Variants in WDR27 observed in about 807,000 individuals in gnomAD.
WDR27 encodes the protein WD repeat-containing protein 27.
WDR27 carries 100 observed loss-of-function variants against 114.4 expected under a neutral mutation model. That is an observed-to-expected ratio of 0.87 (90% CI 0.74 to 1.03). The LOEUF (loss-of-function observed/expected upper bound fraction) is 1.03, where lower values mean the gene tolerates loss of function less well. Among genes scored for constraint, WDR27 ranks in the 50% least tolerant of loss-of-function variants. The probability of loss-of-function intolerance (pLI) is 0.00; values close to 1 mark genes in which losing one functional copy is unlikely to be tolerated. For synonymous variants in WDR27, 449 were observed against 423.1 expected, an observed-to-expected ratio of 1.06 and a Z score of -0.75; for missense variants, 1,129 against 1,092.9, an observed-to-expected ratio of 1.03 and a Z score of -0.47.
At position 169,552,972 on chromosome 6, in the gene WDR27, C is replaced by T. The variant is rs185071925; in HGVS notation, c.2645+19447G>A. ...GTGTGCTGTTTGGGGAGGGCCTGCC[C>T]GGTGTGTGTGTGTGTGTGTGTGTGT... is the stretch of plus-strand genomic sequence containing the variant. On this transcript the variant is annotated intron_variant, in intron 25 of 25. Transcript: ENST00000448612. Among the ~76,000 whole-genome samples the T allele has an allele frequency of 2.3e-3, 170 of 75,194 alleles. 3 individuals are homozygous for T. In the East Asian group the frequency reaches 0.053, roughly 23 times the overall value. The allele number at this position is 75,194 out of a possible 152,430, so 49.3% of individuals were successfully genotyped here. A position where few individuals can be genotyped will look rare whatever the true frequency, so the allele number is the denominator to read the frequency against.
At position 169,654,052 on chromosome 6, in the gene WDR27, C is replaced by T. The variant is rs13213245; in HGVS notation, c.1403-2044G>A. On this transcript the variant is annotated intron_variant, in intron 13 of 25. Transcript: ENST00000448612. ...AGAACACAGTGCACTTCATTCAGTT[C>T]CAAAAAACAAATACAAAAACAAACA... Among the ~76,000 whole-genome samples the T allele has an allele frequency of 7.4e-3, 1,130 of 152,160 alleles. 4 individuals are homozygous for T. Among genetic ancestry groups the T allele is most frequent in the Non-Finnish European group, 0.012 (788 of 68,016 alleles).
chr6:169,602,545 C>T (rs990881937), intron 22 of WDR27, among the ~76,000 whole-genome samples: 2 of 152,010 alleles, frequency 1.3e-5, no homozygotes, highest in Non-Finnish European at 2.9e-5. Context: ...GATGACAAAA[C>T]TAATAGTAAA....
the WDR27 span, among the ~76,000 whole-genome samples, chr6:169,445,930 C>A: frequency 1.3e-5 from 2 of 152,218 alleles, no homozygotes; most frequent in East Asian, 1.9e-4. Context: ...CCCTGCAGGC[C>A]CCCCTCCCTC....
chr6:169,431,605 C>T, the WDR27 span, among the ~76,000 whole-genome samples: 1 of 152,158 alleles, frequency 6.6e-6, no homozygotes, highest in Non-Finnish European at 1.5e-5. Flanking sequence ...GCTTGCCATC[C>T]TTCCTGATGA....
chr6:169,579,684 C>G (rs1045536398), intron 24 of WDR27, among the ~76,000 whole-genome samples: 2 of 152,186 alleles, frequency 1.3e-5, no homozygotes, highest in Non-Finnish European at 2.9e-5. Context: ...AACTCCCACC[C>G]CTTTTCCAGA....
At chr6:169,540,413 G>T (rs1416000142) in intron 25 of WDR27, among the ~76,000 whole-genome samples, 4 of 148,766 alleles carry the variant, frequency 2.7e-5, no homozygotes, top group Non-Finnish European at 4.4e-5. Flanking sequence ...TCTCAGTATT[G>T]CTCTTATTGA....
chr6:169,551,556 G>A (rs1456314938), intron 25 of WDR27, among the ~76,000 whole-genome samples: 1 of 151,928 alleles, frequency 6.6e-6, no homozygotes, highest in African/African-American at 2.4e-5. Flanking sequence ...CCAACATGGT[G>A]AAACCCTGTC....
the WDR27 span, among the ~76,000 whole-genome samples, chr6:169,436,248 A>G: frequency 6.6e-6 from 1 of 152,208 alleles, no homozygotes. Context: ...TTATTCATAA[A>G]GCAAAAATAG....
chr6:169,586,668 G>T (rs1336309113), intron 23 of WDR27, among the ~76,000 whole-genome samples: 1 of 151,936 alleles, frequency 6.6e-6, no homozygotes, highest in Non-Finnish European at 1.5e-5. Context: ...TGCCAACATG[G>T]TGAAACCCCG....
Position 169,670,663 on chromosome 6 carries a change from G to T in WDR27, c.362C>A (p.Ser121Ter), listed in dbSNP as rs201671423. Residue 121 changes from serine to a stop codon, truncating the protein, a stop_gained, in exon 4 of 26, where the codon TCG becomes TAG. Coordinates refer to ENST00000448612, the MANE Select transcript of WDR27 (RefSeq NM_182552.5). LOFTEE classifies it high-confidence loss of function. ...GLVPRGTVMG[S>*]LLGKVLCLQL... ...TAAACACAGCACCTTTCCCAAAAGC[G>T]AGCCCATGACAGTCCCTCGAGGGAC... is the stretch of plus-strand genomic sequence containing the variant. 136 of 1,613,816 alleles carry T rather than the reference G, an allele frequency of 8.4e-5. 2 individuals carry two copies. The highest frequency in any genetic ancestry group is 4.9e-4 in the Middle Eastern group (3 of 6,084).
At chr6:169,483,063 A>T (rs1186611860) in intron 25 of WDR27, among the ~76,000 whole-genome samples, 1 of 152,200 alleles carries the variant, frequency 6.6e-6, no homozygotes, top group Admixed American at 6.5e-5. Flanking sequence ...ATAGCACTAA[A>T]CACCCACATC....
At chr6:169,620,847 TCTGCTCCTCCAGACATAGACATAGAC>T (rs1475494209) in intron 21 of WDR27, among the ~76,000 whole-genome samples, 1 of 152,152 alleles carries the variant, frequency 6.6e-6, no homozygotes. Flanking sequence ...CCTCCTGTAC[TCTGCTCCTCCAGACATAGACATAGAC>T]CTGCTCCTCC....
At chr6:169,501,439 A>G (rs960953146) in intron 25 of WDR27, among the ~76,000 whole-genome samples, 3 of 152,258 alleles carry the variant, frequency 2.0e-5, no homozygotes, top group African/African-American at 4.8e-5. Flanking sequence ...CCTCACAGAG[A>G]GAACTAGGCT....
At chr6:169,594,352 C>A (rs1806362715) in intron 23 of WDR27, among the ~76,000 whole-genome samples, 1 of 152,158 alleles carries the variant, frequency 6.6e-6, no homozygotes, top group Non-Finnish European at 1.5e-5. Flanking sequence ...GGTCATTGTT[C>A]ATAGATGTTT....
At chr6:169,665,366 G>GT in intron 7 of WDR27, 120 bp downstream of exon 7, 4 of 1,453,614 alleles carry the variant, frequency 2.8e-6, no homozygotes, top group Non-Finnish European at 3.6e-6. Context: ...CAGCACTGAG[G>GT]TGGACAGGTT....
chr6:169,560,849 A>G (rs1799582540), intron 25 of WDR27, among the ~76,000 whole-genome samples: 1 of 152,172 alleles, frequency 6.6e-6, no homozygotes, highest in Non-Finnish European at 1.5e-5. Context: ...TGGAGGCGAG[A>G]CCTACTTAAG....
At chr6:169,625,527 G>T (rs1288376528) in intron 21 of WDR27, among the ~76,000 whole-genome samples, 1 of 152,230 alleles carries the variant, frequency 6.6e-6, no homozygotes, top group Non-Finnish European at 1.5e-5. Flanking sequence ...CGGACGCTCA[G>T]CTCCATCTTC....
intron 25 of WDR27, among the ~76,000 whole-genome samples, chr6:169,537,797 G>C (rs528037342): frequency 6.6e-6 from 1 of 152,188 alleles, no homozygotes; most frequent in South Asian, 2.1e-4. Context: ...AAGCAGCCCA[G>C]CTGTTAAGAG....
At chr6:169,667,412 G>A (rs1828155540) in intron 5 of WDR27, 2 of 1,222,824 alleles carry the variant, frequency 1.6e-6, no homozygotes, top group Middle Eastern at 3.1e-4. Context: ...AAACCCTGGT[G>A]GATTTGAAGA....
Sources: allele counts gnomAD v4.1 joint callset (sites outside exome capture counted in the v4.1 genomes callset), GRCh38; gene constraint gnomAD v4.1.1; transcripts MANE v1.5; gene names NCBI Gene and HGNC (gene_info 2026-07-23, HGNC 2026-07-21).